Variants in PCDHGA1 observed in about 807,000 individuals in gnomAD.
The protein encoded by PCDHGA1 is protocadherin gamma-A1.
PCDHGA1 carries 32 observed loss-of-function variants against 58.0 expected under a neutral mutation model. The observed-to-expected ratio is 0.55, with a 90% confidence interval of 0.42 to 0.74. The LOEUF is 0.74. Ranked by LOEUF, PCDHGA1 falls within the 30% of genes least tolerant of loss-of-function variation. The pLI is 0.00. For missense variants in PCDHGA1, 1,205 were observed against 1,182.3 expected (o/e 1.02, Z -0.28); for synonymous variants, 498 against 501.1 (o/e 0.99, Z 0.08).
At chr5:141,423,926 T>C (rs925790302) in intron 1 of PCDHGA1, 2 of 1,245,276 alleles carry the variant, frequency 1.6e-6, no homozygotes, top group Non-Finnish European at 2.0e-6. Flanking sequence ...CTATGCTGGT[T>C]TGGTTTGAAG....
At chr5:141,339,650 C>T (rs774723964) in intron 1 of PCDHGA1, 1 of 1,614,174 alleles carries the variant, frequency 6.2e-7, no homozygotes, top group Non-Finnish European at 8.5e-7. Flanking sequence ...TGGCACCTCC[C>T]GCATCTGCGT....
At chr5:141,379,918 T>C (rs1175326393) in intron 1 of PCDHGA1, among the ~76,000 whole-genome samples, 1 of 119,530 alleles carries the variant, frequency 8.4e-6, no homozygotes, top group Non-Finnish European at 1.7e-5. Context: ...TTTTTTTTTT[T>C]TGTCAGAGTC....
rs765912906 is a variant in PCDHGA1 at position 141,355,935 on chromosome 5, C to G, written c.2421+22830C>G. The stretch of plus-strand genomic sequence containing the variant: ...ATAATGCTCCCGTGTTCACTCAGCC[C>G]GAGTACCACGTAAGTGTTCGTGAGA... On this transcript the variant is annotated intron_variant, in intron 1 of 3. Coordinates refer to ENST00000517417, the MANE Select transcript of PCDHGA1 (RefSeq NM_018912.3). 4.3e-6 allele frequency: 7 copies of G among 1,613,658 alleles called. No individual in the cohort carries two copies. In the South Asian group the frequency reaches 7.7e-5, roughly 18 times the overall value.
rs2097721634 is a variant in PCDHGA1, at chr5:141,434,835, A to G, written c.2422-59972A>G. On this transcript the variant is annotated intron_variant, in intron 1 of 3. Coordinates refer to ENST00000517417, the MANE Select transcript of PCDHGA1 (RefSeq NM_018912.3). ...ATATCCCTTAGTACACTTGGCATTT[A>G]TAAAGCAGACATCAATAAATTTATA... 2.0e-5 allele frequency among the ~76,000 whole-genome samples: 3 copies of G among 151,972 alleles called. 1 individual carries two copies. In the South Asian group the frequency reaches 6.2e-4, roughly 32 times the overall value.
At chr5:141,426,116 G>A (rs1324245739) in intron 1 of PCDHGA1, among the ~76,000 whole-genome samples, 3 of 152,232 alleles carry the variant, frequency 2.0e-5, no homozygotes, top group African/African-American at 7.2e-5. Context: ...AAGCAAGTCG[G>A]AGAGTGGCCA....
intron 1 of PCDHGA1, chr5:141,421,421 T>A (rs982627903): frequency 6.2e-7 from 1 of 1,613,876 alleles, no homozygotes; most frequent in Non-Finnish European, 8.5e-7. Flanking sequence ...AAGCGCGGAG[T>A]CCGCATCGTC....
intron 1 of PCDHGA1, chr5:141,388,940 C>T: frequency 6.2e-7 from 1 of 1,613,966 alleles, no homozygotes; most frequent in South Asian, 1.1e-5. Context: ...CTCTACCCAA[C>T]CTAATTATGG....
chr5:141,419,443 C>G lies in PCDHGA1; in HGVS notation c.2422-75364C>G, dbSNP rs1476796525. ...TCGACCACGAGCAGCTGCGCACCTT[C>G]GAGCTCACGCTGCAGGCCCGCGACC... On this transcript the variant is annotated intron_variant, in intron 1 of 3. Coordinates refer to ENST00000517417, the MANE Select transcript of PCDHGA1 (RefSeq NM_018912.3). 6.2e-7 allele frequency: 1 copy of G among 1,613,080 alleles called. No individual in the cohort carries two copies. Among genetic ancestry groups the G allele is most frequent in the Non-Finnish European group, 8.5e-7 (1 of 1,179,758 alleles).
intron 1 of PCDHGA1, chr5:141,372,058 G>A (rs769464516): frequency 6.2e-7 from 1 of 1,613,554 alleles, no homozygotes; most frequent in South Asian, 1.1e-5. Flanking sequence ...GTGGACGACC[G>A]CAACGACAAT....
chr5:141,417,884 C>A, intron 1 of PCDHGA1: 2 of 1,561,600 alleles, frequency 1.3e-6, no homozygotes, highest in East Asian at 2.4e-5. Flanking sequence ...CGCGCAGAGG[C>A]GCCGGGCCGG....
chr5:141,332,767 G>A lies in PCDHGA1; in HGVS notation c.2083G>A (p.Val695Met). 2 of 1,614,094 alleles carry A rather than the reference G, an allele frequency of 1.2e-6. No individual in the cohort carries two copies. The highest frequency in any genetic ancestry group is 1.7e-6 in the Non-Finnish European group (2 of 1,179,990). The part of the protein sequence containing the change: ...NDSDLTLYLV[V>M]AAAAVSCVFL... Reference sequence around the variant, plus strand: ...TTCGGACCTCACTCTGTACCTGGTGGTGGCGGCGGCCGCGGTCTCCTGCGT... The same window carrying A: ...TTCGGACCTCACTCTGTACCTGGTGATGGCGGCGGCCGCGGTCTCCTGCGT... Residue 695 changes from valine to methionine, a missense_variant, in exon 1 of 4, where the codon GTG becomes ATG. Coordinates refer to ENST00000517417, the MANE Select transcript of PCDHGA1 (RefSeq NM_018912.3). This position sits in a 1 kb window ranked among gnomAD's most constrained non-coding sequence, Gnocchi z 4.6.
chr5:141,365,586 A>G lies in PCDHGA1; in HGVS notation c.2421+32481A>G, dbSNP rs757726887. 5 of 1,613,564 alleles carry G rather than the reference A, an allele frequency of 3.1e-6. No individual in the cohort carries two copies. In the Admixed American group the frequency reaches 6.7e-5, roughly 22 times the overall value. On this transcript the variant is annotated intron_variant, in intron 1 of 3. Transcript: ENST00000517417. ...GACAGAGAAGAGACTTCAGATTATA[A>G]TATCACTTTAACCGTCATGGACCAT... is the stretch of plus-strand genomic sequence containing the variant.
At position 141,511,423 on chromosome 5, in the gene PCDHGA1, A is replaced by G. The variant is rs1301463531; in HGVS notation, c.*250A>G. On this transcript the variant is annotated 3_prime_UTR_variant, in exon 4 of 4. Transcript: ENST00000517417. ...AATCAACTGCTGTACCCATGGGGGTAGTGGGGTTACTGTAGACACCAAGAA... is the reference window on the plus strand; with the variant it reads ...AATCAACTGCTGTACCCATGGGGGTGGTGGGGTTACTGTAGACACCAAGAA... 15 of 818,384 alleles carry G rather than the reference A, an allele frequency of 1.8e-5. No homozygotes were observed. Among genetic ancestry groups the G allele is most frequent in the East Asian group, 3.0e-5 (1 of 33,874 alleles). 50.7% of individuals were successfully genotyped at this position (818,384 alleles called of 1,614,324 possible). A position where few individuals can be genotyped will look rare whatever the true frequency, so the allele number is the denominator to read the frequency against.
At chr5:141,359,599 A>G (rs1034333334) in intron 1 of PCDHGA1, among the ~76,000 whole-genome samples, 1 of 152,038 alleles carries the variant, frequency 6.6e-6, no homozygotes, top group East Asian at 1.9e-4. Context: ...TAAAAAAGCA[A>G]TGTGCAGAAT....
At chr5:141,391,973 G>A (rs1461017619) in intron 1 of PCDHGA1, 2 of 152,056 alleles carry the variant, frequency 1.3e-5, no homozygotes, top group Non-Finnish European at 2.9e-5. Context: ...AAATAAAATA[G>A]CAAAACAATG....
chr5:141,441,150 T>C (rs1421773650), intron 1 of PCDHGA1: 4 of 152,122 alleles, frequency 2.6e-5, no homozygotes, highest in African/African-American at 7.2e-5. Context: ...ATAATGACAA[T>C]ATCCTAGAGG....
rs749499883 is a variant in PCDHGA1 at position 141,486,382 on chromosome 5, C to T, written c.2422-8425C>T. ...TTGCCCTCAAGTCTGCCTTCAGGAA[C>T]CAGTTCTCCCTGGTGACTGCTGGAC... is the stretch of plus-strand genomic sequence containing the variant. On this transcript the variant is annotated intron_variant, in intron 1 of 3. Transcript: ENST00000517417. The surrounding 1 kb of genome is among the most constrained non-coding windows in gnomAD (Gnocchi z 5.0). 25 of 1,613,986 alleles carry T rather than the reference C, an allele frequency of 1.5e-5. No homozygotes were observed. The highest frequency in any genetic ancestry group is 1.9e-5 in the Non-Finnish European group (23 of 1,179,998).
intron 1 of PCDHGA1, chr5:141,375,405 A>G (rs1472795802): frequency 6.2e-7 from 1 of 1,613,932 alleles, no homozygotes; most frequent in South Asian, 1.1e-5. Context: ...ATCTCTCTAA[A>G]TGTGGCAGAC....
chr5:141,474,407 G>A (rs1431210575), intron 1 of PCDHGA1, among the ~76,000 whole-genome samples: 2 of 152,230 alleles, frequency 1.3e-5, no homozygotes, highest in East Asian at 1.9e-4. Flanking sequence ...GCTCCCCGGT[G>A]ATGCCTAGAC....
Sources: gnomAD v4.1 joint callset for allele counts (sites outside exome capture counted in the v4.1 genomes callset) on GRCh38, gnomAD v4.1.1 for gene constraint, Gnocchi (gnomAD v3.1) non-coding constraint, MANE v1.5 for transcripts, NCBI Gene and HGNC (gene_info 2026-07-23, HGNC 2026-07-21) for gene names.